The following SGCZ variants were observed in gnomAD, a reference collection of about 807,000 sequenced individuals.
The protein encoded by SGCZ is zeta-sarcoglycan.
Under a neutral mutation model 41.3 loss-of-function variants are expected in SGCZ, and 40 were observed. The observed-to-expected ratio is 0.97, with a 90% CI of 0.75 to 1.26. SGCZ has a LOEUF of 1.26. SGCZ is among the 50% of genes most tolerant of loss of function. The pLI, the probability that SGCZ is intolerant of heterozygous loss-of-function variation, is 0.00. For missense variants in SGCZ, 552 were observed against 369.8 expected, an observed-to-expected ratio of 1.49 and a Z score of -4.04; for synonymous variants, 206 against 137.5, an observed-to-expected ratio of 1.50 and a Z score of -3.49.
chr8:14,418,013 C>G (rs1799542642), intron 2 of SGCZ, among the ~76,000 whole-genome samples: 1 of 151,612 alleles, frequency 6.6e-6, no homozygotes, highest in African/African-American at 2.4e-5. Context: ...AAAAGGAGTC[C>G]TGATCCTTTT....
intron 1 of SGCZ, among the ~76,000 whole-genome samples, chr8:14,563,795 T>C (rs1295906530): frequency 1.3e-5 from 2 of 152,156 alleles, no homozygotes; most frequent in Non-Finnish European, 2.9e-5. Context: ...ACCTATTATC[T>C]CTAGTCCAAA....
intron 1 of SGCZ, among the ~76,000 whole-genome samples, chr8:14,571,277 C>A (rs1333876896): frequency 6.6e-6 from 1 of 152,210 alleles, no homozygotes; most frequent in Non-Finnish European, 1.5e-5. Context: ...CACCAGGTCA[C>A]TCCCTCGGCA....
intron 2 of SGCZ, among the ~76,000 whole-genome samples, chr8:14,446,087 C>T (rs1413205415): frequency 6.6e-6 from 1 of 152,164 alleles, no homozygotes; most frequent in African/African-American, 2.4e-5. Flanking sequence ...TCAGTTGTGC[C>T]ATTTTTTCGT....
At chr8:14,937,701 A>G (rs1585394770) in intron 1 of SGCZ, among the ~76,000 whole-genome samples, 2 of 152,276 alleles carry the variant, frequency 1.3e-5, no homozygotes, top group African/African-American at 4.8e-5. Flanking sequence ...CTCTTAAATT[A>G]CAATTTTGTT....
chr8:14,617,423 G>C (rs750391634), intron 1 of SGCZ, among the ~76,000 whole-genome samples: 2 of 152,032 alleles, frequency 1.3e-5, no homozygotes, highest in Non-Finnish European at 2.9e-5. Flanking sequence ...TCATTTATCT[G>C]TACTTTTATT....
chr8:14,654,868 T>C (rs532579785), intron 1 of SGCZ, among the ~76,000 whole-genome samples: 8 of 152,112 alleles, frequency 5.3e-5, no homozygotes, highest in Non-Finnish European at 1.0e-4. Context: ...GGTTTCACTA[T>C]ATTGGTCAGG....
intron 3 of SGCZ, among the ~76,000 whole-genome samples, chr8:14,302,924 C>T (rs1292201561): frequency 2.0e-5 from 3 of 152,148 alleles, no homozygotes; most frequent in African/African-American, 7.2e-5. Flanking sequence ...ATTGAGAGAA[C>T]TAACATGACC....
At chr8:14,785,717 T>C (rs1300071060) in intron 1 of SGCZ, among the ~76,000 whole-genome samples, 1 of 152,196 alleles carries the variant, frequency 6.6e-6, no homozygotes, top group Non-Finnish European at 1.5e-5. Context: ...TTCTGATACG[T>C]CCACTTACTT....
rs143114282 is a variant in SGCZ, at chr8:14,766,202, C to T, written c.40-211276G>A. ...CTTGAAGTCCTGACCTCAGGTGATC[C>T]GCCCGCCTCGACTTCCCAAAGTGCT... On this transcript the variant is annotated intron_variant, in intron 1 of 7. Transcript: ENST00000382080. 2.9e-3 allele frequency among the ~76,000 whole-genome samples: 436 copies of T among 151,518 alleles called. 2 individuals carry two copies. The highest frequency in any genetic ancestry group is 0.01 in the African/African-American group (412 of 41,026).
At chr8:14,306,513 G>C (rs1238222443) in intron 3 of SGCZ, among the ~76,000 whole-genome samples, 1 of 152,048 alleles carries the variant, frequency 6.6e-6, no homozygotes, top group Non-Finnish European at 1.5e-5. Flanking sequence ...CTGTTACCTG[G>C]CATGAGCAGG....
At chr8:14,540,936 TA>T (rs1288281235) in intron 2 of SGCZ, among the ~76,000 whole-genome samples, 1 of 151,458 alleles carries the variant, frequency 6.6e-6, no homozygotes, top group African/African-American at 2.4e-5. Context: ...TAGTTGATGT[TA>T]ACTTCATTTT....
intron 1 of SGCZ, among the ~76,000 whole-genome samples, chr8:15,005,791 T>C (rs1289442880): frequency 6.6e-6 from 1 of 152,234 alleles, no homozygotes; most frequent in Non-Finnish European, 1.5e-5. Flanking sequence ...GTCTTTATTA[T>C]GCTGACACCA....
intron 2 of SGCZ, among the ~76,000 whole-genome samples, chr8:14,447,831 T>C (rs933837719): frequency 1.3e-5 from 2 of 152,180 alleles, no homozygotes; most frequent in African/African-American, 4.8e-5. Context: ...CTTAATCCTT[T>C]ACAGCCATCT....
intron 1 of SGCZ, among the ~76,000 whole-genome samples, chr8:14,786,777 A>C (rs186974069): frequency 6.6e-6 from 1 of 152,078 alleles, no homozygotes; most frequent in African/African-American, 2.4e-5. Context: ...CAAAATATCC[A>C]AACCAGAGAG....
intron 1 of SGCZ, among the ~76,000 whole-genome samples, chr8:14,838,869 G>C (rs1258059070): frequency 1.3e-5 from 2 of 152,236 alleles, no homozygotes; most frequent in East Asian, 1.9e-4. Context: ...AATTAAGAGA[G>C]TCAGCATAGC....
At position 14,902,938 on chromosome 8, in the gene SGCZ, G is replaced by C. The variant is rs543456327; in HGVS notation, c.39+334647C>G. ...AGAAGGAATGTTAGAAAAACGATTT[G>C]TATTGGCAAAACTGTGATTTTCAAA... On this transcript the variant is annotated intron_variant, in intron 1 of 7. Coordinates refer to ENST00000382080, the MANE Select transcript of SGCZ (RefSeq NM_139167.4). Among the ~76,000 whole-genome samples, 4 of 152,192 alleles carry C rather than the reference G, an allele frequency of 2.6e-5. No homozygotes were observed. The South Asian group carries it at 8.3e-4, about 32-fold the overall frequency.
At chr8:14,490,427 C>T (rs978887883) in intron 2 of SGCZ, among the ~76,000 whole-genome samples, 1 of 151,926 alleles carries the variant, frequency 6.6e-6, no homozygotes, top group Non-Finnish European at 1.5e-5. Flanking sequence ...TAGGAAATAC[C>T]AATATATTTT....
chr8:14,787,250 A>C (rs1585259941), intron 1 of SGCZ, among the ~76,000 whole-genome samples: 1 of 152,278 alleles, frequency 6.6e-6, no homozygotes, highest in East Asian at 1.9e-4. Context: ...TCAGCACAAG[A>C]CAATGAAATT....
intron 1 of SGCZ, among the ~76,000 whole-genome samples, chr8:14,581,846 T>C (rs1376859375): frequency 1.3e-5 from 2 of 152,170 alleles, no homozygotes; most frequent in African/African-American, 4.8e-5. Flanking sequence ...ATTAGTTGCT[T>C]TTTATACACA....
Sources: allele counts gnomAD v4.1 joint callset (sites outside exome capture counted in the v4.1 genomes callset), GRCh38; gene constraint gnomAD v4.1.1; transcripts MANE v1.5; gene names NCBI Gene and HGNC (gene_info 2026-07-23, HGNC 2026-07-21).